Variants in ZBTB20 observed in about 807,000 individuals in gnomAD.
ZBTB20 encodes the protein zinc finger and BTB domain containing 20.
In ZBTB20, 9 loss-of-function variants were observed where a neutral mutation model predicts 56.9. That is an observed-to-expected ratio of 0.16 (90% CI 0.10 to 0.28). ZBTB20 has a LOEUF of 0.28. ZBTB20 is among the 10% of genes least tolerant of loss of function. The pLI, the probability that ZBTB20 is intolerant of heterozygous loss-of-function variation, is 1.00. For missense variants in ZBTB20, 655 were observed against 1,003.0 expected, an observed-to-expected ratio of 0.65 and a Z score of 4.69; for synonymous variants, 417 against 420.7, an observed-to-expected ratio of 0.99 and a Z score of 0.11.
chr3:114,573,940 G>A (rs1013547825), intron 6 of ZBTB20, among the ~76,000 whole-genome samples: 1 of 152,050 alleles, frequency 6.6e-6, no homozygotes, highest in South Asian at 2.1e-4. Context: ...CCACCATACA[G>A]AGATAACTCC....
At chr3:114,900,009 A>G (rs1245799103) in intron 4 of ZBTB20, among the ~76,000 whole-genome samples, 9 of 152,116 alleles carry the variant, frequency 5.9e-5, no homozygotes, top group African/African-American at 2.2e-4. Context: ...ACCCCACATC[A>G]CCGTTCACTT....
intron 1 of ZBTB20, among the ~76,000 whole-genome samples, chr3:115,072,607 T>C (rs1473410058): frequency 6.6e-6 from 1 of 152,120 alleles, no homozygotes; most frequent in African/African-American, 2.4e-5. Context: ...TTAAAGAGGG[T>C]CAAAAGCAGC....
intron 2 of ZBTB20, among the ~76,000 whole-genome samples, chr3:115,007,032 T>C (rs973515836): frequency 6.6e-6 from 1 of 151,896 alleles, no homozygotes; most frequent in African/African-American, 2.4e-5. Flanking sequence ...AACTTAATGA[T>C]GAGAATAGGA....
chr3:114,962,164 T>TG (rs2077477250), intron 3 of ZBTB20, among the ~76,000 whole-genome samples: 1 of 148,712 alleles, frequency 6.7e-6, no homozygotes, highest in Non-Finnish European at 1.5e-5. Flanking sequence ...CTTTTCCACA[T>TG]GCACAGTTGC....
At chr3:114,814,530 C>T (rs965278547) in intron 4 of ZBTB20, among the ~76,000 whole-genome samples, 3 of 152,070 alleles carry the variant, frequency 2.0e-5, no homozygotes, top group African/African-American at 7.2e-5. Flanking sequence ...CTTCTACCTT[C>T]GAAGCTATTC....
At chr3:114,932,464 C>T (rs2076392788) in intron 3 of ZBTB20, among the ~76,000 whole-genome samples, 1 of 152,226 alleles carries the variant, frequency 6.6e-6, no homozygotes, top group South Asian at 2.1e-4. Flanking sequence ...TTATCATATA[C>T]AATTGTTTGA....
intron 7 of ZBTB20, among the ~76,000 whole-genome samples, chr3:114,441,033 A>T (rs1304094678): frequency 6.6e-6 from 1 of 152,102 alleles, no homozygotes; most frequent in Non-Finnish European, 1.5e-5. Context: ...GTGAAAAACT[A>T]TTTTGCTATT....
At position 114,423,816 on chromosome 3, in the gene ZBTB20, T is replaced by C. The variant is rs750176257; in HGVS notation, c.-254-34711A>G. Reference sequence around the variant, plus strand: ...CAGGACAGGTGAACCAGAAGAGTTCTAGGCTTTGGCATCTCATAAAAGTTA... The same window carrying C: ...CAGGACAGGTGAACCAGAAGAGTTCCAGGCTTTGGCATCTCATAAAAGTTA... On this transcript the variant is annotated intron_variant, in intron 7 of 11. Coordinates refer to ENST00000675478, the MANE Select transcript of ZBTB20 (RefSeq NM_001348800.3). Among the ~76,000 whole-genome samples, 5 of 152,332 alleles carry C rather than the reference T, an allele frequency of 3.3e-5. No individual in the cohort carries two copies. The East Asian group carries it at 7.7e-4, about 24-fold the overall frequency.
intron 6 of ZBTB20, among the ~76,000 whole-genome samples, chr3:114,547,897 A>C (rs1167952865): frequency 1.3e-5 from 2 of 152,192 alleles, no homozygotes; most frequent in Non-Finnish European, 2.9e-5. Context: ...ATTTTCTATT[A>C]TTTGTAATTC....
intron 6 of ZBTB20, among the ~76,000 whole-genome samples, chr3:114,540,447 G>C (rs1372913710): frequency 6.6e-6 from 1 of 152,098 alleles, no homozygotes; most frequent in Non-Finnish European, 1.5e-5. Context: ...AACAAACCCA[G>C]GGCTCCTCAT....
At chr3:114,353,995 GC>G (rs1218193802) in intron 10 of ZBTB20, among the ~76,000 whole-genome samples, 1 of 152,134 alleles carries the variant, frequency 6.6e-6, no homozygotes, top group African/African-American at 2.4e-5. Context: ...CTGAGGTCTG[GC>G]CCTTAGGGAT....
At chr3:114,366,163 A>T (rs750771511) in intron 10 of ZBTB20, among the ~76,000 whole-genome samples, 4 of 152,236 alleles carry the variant, frequency 2.6e-5, no homozygotes, top group African/African-American at 7.2e-5. Flanking sequence ...TCACCTGGCC[A>T]AAATAAACAT....
chr3:114,508,333 C>A (rs548095632), intron 6 of ZBTB20, among the ~76,000 whole-genome samples: 1 of 152,236 alleles, frequency 6.6e-6, no homozygotes, highest in East Asian at 1.9e-4. Flanking sequence ...GCAGAAGTGT[C>A]CATTACATAC....
At chr3:115,081,283 T>C (rs1413965779) in intron 1 of ZBTB20, among the ~76,000 whole-genome samples, 1 of 152,066 alleles carries the variant, frequency 6.6e-6, no homozygotes, top group Non-Finnish European at 1.5e-5. Context: ...TTCTCTTCCT[T>C]CATCATCATT....
intron 4 of ZBTB20, among the ~76,000 whole-genome samples, chr3:114,814,246 T>C (rs2072765056): frequency 6.7e-6 from 1 of 149,386 alleles, no homozygotes; most frequent in Admixed American, 6.7e-5. Context: ...ATTTATATTA[T>C]ATATTTCACT....
chr3:114,829,384 G>A (rs191235379), intron 4 of ZBTB20, among the ~76,000 whole-genome samples: 3 of 151,868 alleles, frequency 2.0e-5, no homozygotes, highest in Admixed American at 2.0e-4. Flanking sequence ...TCAAACACAG[G>A]TCAATGTTTG....
intron 5 of ZBTB20, among the ~76,000 whole-genome samples, chr3:114,743,068 A>G (rs2066738577): frequency 6.6e-6 from 1 of 152,110 alleles, no homozygotes; most frequent in Admixed American, 6.5e-5. Context: ...CAATTTTTTT[A>G]CAAAGCATTG....
chr3:115,057,403 C>A (rs1016624298), intron 2 of ZBTB20, among the ~76,000 whole-genome samples: 1 of 151,824 alleles, frequency 6.6e-6, no homozygotes, highest in Non-Finnish European at 1.5e-5. Flanking sequence ...TTTAACTTAT[C>A]AAGGCTACCT....
intron 7 of ZBTB20, among the ~76,000 whole-genome samples, chr3:114,395,218 A>T (rs1370546321): frequency 2.0e-5 from 3 of 152,168 alleles, no homozygotes; most frequent in Non-Finnish European, 4.4e-5. Flanking sequence ...GGCACAGCAA[A>T]TTTCATAAAA....
Sources: allele counts gnomAD v4.1 joint callset (sites outside exome capture counted in the v4.1 genomes callset), GRCh38; gene constraint gnomAD v4.1.1; transcripts MANE v1.5; gene names NCBI Gene and HGNC (gene_info 2026-07-23, HGNC 2026-07-21).